The following DNAJC24 variants were observed in gnomAD, a reference collection of about 807,000 sequenced individuals.
DNAJC24 encodes dnaJ homolog subfamily C member 24.
Under a neutral mutation model 18.0 loss-of-function variants are expected in DNAJC24, and 17 were observed. The observed-to-expected ratio is 0.94, with a 90% confidence interval of 0.65 to 1.42. The LOEUF (loss-of-function observed/expected upper bound fraction) is 1.42, where lower values mean the gene tolerates loss of function less well. Among genes scored for constraint, DNAJC24 ranks in the 40% most tolerant of loss-of-function variants. The probability of loss-of-function intolerance (pLI) is 0.00; values close to 1 mark genes in which losing one functional copy is unlikely to be tolerated. For missense variants in DNAJC24, 158 were observed against 175.6 expected, an observed-to-expected ratio of 0.90 and a Z score of 0.57; for synonymous variants, 55 against 57.7, an observed-to-expected ratio of 0.95 and a Z score of 0.21.
intron 2 of DNAJC24, among the ~76,000 whole-genome samples, chr11:31,386,886 C>T (rs913489464): frequency 8.5e-5 from 13 of 152,072 alleles, no homozygotes; most frequent in South Asian, 6.2e-4. Flanking sequence ...GGAGAGACCC[C>T]GGGCTGGCAG....
intron 2 of DNAJC24, chr11:31,374,278 T>C: frequency 6.1e-6 from 1 of 165,028 alleles, no homozygotes; most frequent in Admixed American, 6.5e-5. Flanking sequence ...CAATTAATAC[T>C]TTGCTAAGAG....
At chr11:31,406,386 C>A (rs956731499) in intron 2 of DNAJC24, among the ~76,000 whole-genome samples, 1 of 152,106 alleles carries the variant, frequency 6.6e-6, no homozygotes, top group Non-Finnish European at 1.5e-5. Flanking sequence ...ATATTTTGTA[C>A]TTTTGGGGAA....
intron 2 of DNAJC24, among the ~76,000 whole-genome samples, chr11:31,381,615 C>T (rs1952377653): frequency 6.7e-6 from 1 of 150,018 alleles, no homozygotes; most frequent in Non-Finnish European, 1.5e-5. Flanking sequence ...TGCTCTGTCA[C>T]CCGAGCTGGA....
intron 4 of DNAJC24, among the ~76,000 whole-genome samples, chr11:31,428,767 AATG>A (rs768440848): frequency 9.8e-5 from 15 of 152,296 alleles, no homozygotes; most frequent in Non-Finnish European, 1.6e-4. Flanking sequence ...GAGTATTTAA[AATG>A]ATGATTTCTG....
chr11:31,374,788 C>A (rs192206240), intron 2 of DNAJC24, among the ~76,000 whole-genome samples: 1 of 134,370 alleles, frequency 7.4e-6, no homozygotes, highest in African/African-American at 2.5e-5. Context: ...GAACTCACTT[C>A]TTTGTCTCTT....
chr11:31,410,857 C>T (rs1952701688), intron 2 of DNAJC24, among the ~76,000 whole-genome samples: 1 of 152,164 alleles, frequency 6.6e-6, no homozygotes, highest in Non-Finnish European at 1.5e-5. Context: ...TATGCTAGTA[C>T]TACAGTCTTG....
intron 2 of DNAJC24, among the ~76,000 whole-genome samples, chr11:31,413,151 A>G (rs1285713845): frequency 6.6e-6 from 1 of 152,042 alleles, no homozygotes; most frequent in African/African-American, 2.4e-5. Flanking sequence ...GTATGAACCA[A>G]CCACACTGAT....
chr11:31,423,292 G>A (rs896309352), intron 3 of DNAJC24, among the ~76,000 whole-genome samples: 3 of 152,022 alleles, frequency 2.0e-5, no homozygotes, highest in East Asian at 1.9e-4. Context: ...ACGGAGTCTC[G>A]CTCTGTCACC....
At chr11:31,419,803 C>T (rs1952786207) in intron 3 of DNAJC24, among the ~76,000 whole-genome samples, 1 of 152,026 alleles carries the variant, frequency 6.6e-6, no homozygotes, top group Admixed American at 6.6e-5. Context: ...TTCTACTTTG[C>T]TCCATTTACA....
chr11:31,415,089 A>G (rs1952741444), intron 3 of DNAJC24, 140 bp downstream of exon 3: 1 of 873,082 alleles, frequency 1.1e-6, no homozygotes, highest in Admixed American at 2.9e-5. Context: ...ACTGTTTTTA[A>G]TTATGCCCTA....
intron 2 of DNAJC24, among the ~76,000 whole-genome samples, chr11:31,377,589 A>G (rs951848926): frequency 2.6e-5 from 4 of 152,088 alleles, no homozygotes; most frequent in Admixed American, 6.5e-5. Flanking sequence ...TTAGTTTTCT[A>G]TTAAAAACAA....
At position 31,431,932 on chromosome 11, in the gene DNAJC24, T is replaced by C. The variant is rs1234276529; in HGVS notation, c.*1531T>C. 2 of 152,436 alleles carry C rather than the reference T, an allele frequency of 1.3e-5. No homozygotes were observed. Among genetic ancestry groups the C allele is most frequent in the Non-Finnish European group, 2.9e-5 (2 of 68,206 alleles). The allele number at this position is 152,436 out of a possible 1,614,324, so 9.4% of individuals were successfully genotyped here. ...AACTTTTATAAAGTATTATTGACTA[T>C]AGCCAACTACAGATGGCATATGCCT... On this transcript the variant is annotated 3_prime_UTR_variant, in exon 5 of 5. Transcript: ENST00000465995.
intron 2 of DNAJC24, chr11:31,408,375 C>T (rs1168396925): frequency 2.8e-6 from 1 of 360,932 alleles, no homozygotes; most frequent in Non-Finnish European, 5.4e-6. Context: ...TCAGATGATG[C>T]TGATGCTGCA....
intron 2 of DNAJC24, among the ~76,000 whole-genome samples, chr11:31,402,522 T>A: frequency 6.6e-6 from 1 of 152,186 alleles, no homozygotes; most frequent in East Asian, 1.9e-4. Flanking sequence ...TTTAAAAAAA[T>A]TATAGAGACA....
chr11:31,385,961 C>T (rs1266539437), intron 2 of DNAJC24, among the ~76,000 whole-genome samples: 2 of 152,132 alleles, frequency 1.3e-5, no homozygotes, highest in Non-Finnish European at 2.9e-5. Context: ...GCACCATGCT[C>T]GTAGGATGTT....
At chr11:31,412,528 C>G (rs1211862245) in intron 2 of DNAJC24, among the ~76,000 whole-genome samples, 3 of 152,152 alleles carry the variant, frequency 2.0e-5, no homozygotes, top group Admixed American at 6.5e-5. Context: ...TTTAATGCAG[C>G]CAACTCCACT....
intron 2 of DNAJC24, among the ~76,000 whole-genome samples, chr11:31,390,741 A>G (rs1336215741): frequency 6.6e-6 from 1 of 151,912 alleles, no homozygotes; most frequent in Non-Finnish European, 1.5e-5. Context: ...TCTCCCAGTA[A>G]AGAAAAGCCC....
intron 2 of DNAJC24, among the ~76,000 whole-genome samples, chr11:31,378,305 G>C (rs1952338615): frequency 6.6e-6 from 1 of 152,014 alleles, no homozygotes; most frequent in Non-Finnish European, 1.5e-5. Flanking sequence ...CTGTCATCTA[G>C]GTATTATTAA....
intron 2 of DNAJC24, among the ~76,000 whole-genome samples, chr11:31,392,236 A>G (rs1221765744): frequency 1.3e-5 from 2 of 152,196 alleles, no homozygotes; most frequent in Non-Finnish European, 2.9e-5. Context: ...GCATTTAAAA[A>G]TAACTAAAAG....
Sources: gnomAD v4.1 joint callset for allele counts (sites outside exome capture counted in the v4.1 genomes callset) on GRCh38, gnomAD v4.1.1 for gene constraint, MANE v1.5 for transcripts, NCBI Gene and HGNC (gene_info 2026-07-23, HGNC 2026-07-21) for gene names.